ABCG2: variants seen among roughly 807,000 people sequenced by gnomAD.
The protein encoded by ABCG2 is broad substrate specificity ATP-binding cassette transporter ABCG2.
In ABCG2, 80 loss-of-function variants were observed where a neutral mutation model predicts 73.5. The ratio of observed to expected loss-of-function variants is 1.09; its 90% confidence interval spans 0.91 to 1.31. The LOEUF is 1.31. ABCG2 is among the 50% of genes most tolerant of loss of function. The probability of loss-of-function intolerance (pLI) is 0.00; values close to 1 mark genes in which losing one functional copy is unlikely to be tolerated. For synonymous variants in ABCG2, 269 were observed against 282.4 expected (o/e 0.95, Z 0.48); for missense variants, 796 against 786.2 (o/e 1.01, Z -0.15).
chr4:88,159,564 T>TGTGA (rs3219191), upstream of ABCG2, among the ~76,000 whole-genome samples: 61,246 of 151,882 alleles, frequency 0.4, 13,444 homozygotes, highest in East Asian at 0.66. Flanking sequence ...CATCAGGCTT[T>TGTGA]GTGAGTGTAG....
intron 12 of ABCG2, 63 bp downstream of exon 12, chr4:88,099,261 C>G: frequency 1.4e-6 from 2 of 1,439,030 alleles, no homozygotes; most frequent in Non-Finnish European, 1.8e-6. Flanking sequence ...TTGCAAGGTG[C>G]AACTGACTTC....
intron 11 of ABCG2, 87 bp downstream of exon 11, chr4:88,101,143 T>A (rs1006013204): frequency 1.2e-5 from 13 of 1,115,748 alleles, no homozygotes; most frequent in Admixed American, 7.7e-5. Flanking sequence ...CCGGATCCCA[T>A]CCTTGGCCCC....
chr4:88,229,978 C>CATTATTATTATTATTATTATT (rs61485563), intron 1 of ABCG2, among the ~76,000 whole-genome samples: 10 of 143,550 alleles, frequency 7.0e-5, no homozygotes, highest in South Asian at 4.5e-4. Context: ...TTCTGGCATG[C>CATTATTATTATTATTATTATT]ATTATTATTA....
chr4:88,158,714 C>A (rs1207973880), upstream of ABCG2: 5 of 444,986 alleles, frequency 1.1e-5, no homozygotes, highest in African/African-American at 4.1e-5. Flanking sequence ...CAACCCCTTC[C>A]CCCAACCACA....
chr4:88,116,163 CT>C (rs1723566052), intron 7 of ABCG2, among the ~76,000 whole-genome samples: 1 of 152,174 alleles, frequency 6.6e-6, no homozygotes, highest in African/African-American at 2.4e-5. Context: ...CCACTGCACT[CT>C]AGCCTGGGCG....
intron 7 of ABCG2, among the ~76,000 whole-genome samples, 198 bp from the exon 8 acceptor site, chr4:88,115,256 C>CTCTCTCTCTCTCTCTCTCTCTATATATA (rs1309360818): frequency 7.3e-4 from 51 of 69,814 alleles, no homozygotes; most frequent in African/African-American, 1.1e-3. Flanking sequence ...CTCTCTCTCT[C>CTCTCTCTCTCTCTCTCTCTCTATATATA]TATATATATA....
chr4:88,150,400 A>G (rs569441426), intron 1 of ABCG2, among the ~76,000 whole-genome samples: 16 of 152,334 alleles, frequency 1.1e-4, no homozygotes, highest in Non-Finnish European at 1.9e-4. Flanking sequence ...TCGAAGGAAC[A>G]GCAAAGAGGC....
intron 10 of ABCG2, among the ~76,000 whole-genome samples, chr4:88,101,888 T>G (rs957206800): frequency 3.9e-5 from 6 of 152,238 alleles, no homozygotes; most frequent in African/African-American, 7.2e-5. Context: ...TATTTTGGTA[T>G]GGCAGCCAGG....
chr4:88,118,091 T>TA lies in ABCG2; in HGVS notation c.841+17dup, dbSNP rs1560678691. On this transcript the variant is annotated intron_variant, in intron 7 of 15. Transcript: ENST00000237612. ...TCTATTAATGAAGCATTTTACAGCA[T>TA]AAAAAAGTCAACCATACCAGCTGAT... The TA allele has an allele frequency of 1.9e-6, 3 of 1,609,040 alleles. No homozygotes were observed. The highest frequency in any genetic ancestry group is 2.2e-5 in the South Asian group (2 of 89,968).
At chr4:88,180,825 T>C (rs1175046182) in intron 1 of ABCG2, among the ~76,000 whole-genome samples, 4 of 151,934 alleles carry the variant, frequency 2.6e-5, no homozygotes, top group Admixed American at 2.6e-4. Context: ...CACCTGAAGG[T>C]ACAAAACTTA....
At chr4:88,208,665 A>G (rs1183709407) in intron 1 of ABCG2, among the ~76,000 whole-genome samples, 3 of 152,188 alleles carry the variant, frequency 2.0e-5, no homozygotes, top group Non-Finnish European at 2.9e-5. Context: ...AGCCTCAAAC[A>G]GATCTGCTCT....
intron 1 of ABCG2, among the ~76,000 whole-genome samples, chr4:88,181,200 G>C (rs1306230256): frequency 6.6e-6 from 1 of 151,506 alleles, no homozygotes; most frequent in Non-Finnish European, 1.5e-5. Flanking sequence ...AGGAGTTCAA[G>C]ACCAGCCTGG....
intron 1 of ABCG2, among the ~76,000 whole-genome samples, chr4:88,229,890 G>A (rs1044841290): frequency 2.0e-5 from 3 of 151,840 alleles, no homozygotes; most frequent in African/African-American, 7.3e-5. Flanking sequence ...TATGCAAACT[G>A]ATTTTCAACA....
intron 9 of ABCG2, 146 bp from the exon 10 acceptor site, chr4:88,107,412 G>C: frequency 1.8e-6 from 1 of 563,110 alleles, no homozygotes; most frequent in Non-Finnish European, 3.0e-6. Context: ...CAACGTCCCT[G>C]GGAGAAAATA....
At chr4:88,137,619 A>G (rs539706862) in intron 2 of ABCG2, among the ~76,000 whole-genome samples, 104 of 152,280 alleles carry the variant, frequency 6.8e-4, no homozygotes, top group African/African-American at 2.5e-3. Context: ...TTACAAGGCT[A>G]CATTTCCCCT....
rs368887375 is a variant in ABCG2, at chr4:88,121,774, G to A, written c.550C>T (p.Arg184Cys). 45 of 1,612,102 alleles carry A rather than the reference G, an allele frequency of 2.8e-5. No homozygotes were observed. In the Middle Eastern group the frequency reaches 6.6e-4, roughly 24 times the overall value. ...ADSKVGTQFIRGVSGGERKRT... is the reference protein window; with the variant it reads ...ADSKVGTQFICGVSGGERKRT... ...TTTCTTTCTCCTCCAGACACACCAC[G>A]GATAAACTGAGTTCCAACCTAAATC... The change falls in exon 6 of 16, where the codon CGT becomes TGT. Residue 184 changes from arginine to cysteine, a missense_variant. Transcript: ENST00000237612.
intron 1 of ABCG2, among the ~76,000 whole-genome samples, chr4:88,141,007 TTGAG>T (rs1384213190): frequency 6.6e-6 from 1 of 152,168 alleles, no homozygotes; most frequent in Non-Finnish European, 1.5e-5. Flanking sequence ...AAAGATTTAT[TTGAG>T]TAAGACCTTA....
At chr4:88,095,485 G>T in intron 14 of ABCG2, 35 bp downstream of exon 14, 1 of 1,549,406 alleles carries the variant, frequency 6.5e-7, no homozygotes, top group Non-Finnish European at 8.9e-7. Flanking sequence ...CCTAGCTTGG[G>T]AATGCAGTCA....
intron 2 of ABCG2, among the ~76,000 whole-genome samples, chr4:88,132,954 G>C (rs1725005661): frequency 6.6e-6 from 1 of 151,994 alleles, no homozygotes; most frequent in African/African-American, 2.4e-5. Flanking sequence ...ATATATAATG[G>C]ATGTTAATCA....
Sources: gnomAD v4.1 joint callset for allele counts (sites outside exome capture counted in the v4.1 genomes callset) on GRCh38, gnomAD v4.1.1 for gene constraint, MANE v1.5 for transcripts, NCBI Gene and HGNC (gene_info 2026-07-23, HGNC 2026-07-21) for gene names.